Variants in RAD52 observed in about 807,000 individuals in gnomAD.
RAD52 encodes DNA repair protein RAD52 homolog.
In RAD52, 47 loss-of-function variants were observed where a neutral mutation model predicts 55.5. The observed-to-expected ratio is 0.85, with a 90% CI of 0.67 to 1.08. The LOEUF (loss-of-function observed/expected upper bound fraction) is 1.08. Ranked by LOEUF, RAD52 falls within the 50% of genes least tolerant of loss-of-function variation. The probability of loss-of-function intolerance (pLI) is 0.00; values close to 1 mark genes in which losing one functional copy is unlikely to be tolerated. For synonymous variants in RAD52, 184 were observed against 198.9 expected (o/e 0.92, Z 0.63); for missense variants, 468 against 522.8 (o/e 0.90, Z 1.02).
At chr12:969,051 T>A (rs1454815778) in intron 1 of RAD52, among the ~76,000 whole-genome samples, 1 of 152,112 alleles carries the variant, frequency 6.6e-6, no homozygotes. Context: ...TTTCTTGGCA[T>A]TATTCCCTAA....
chr12:975,896 C>G (rs905532306), intron 1 of RAD52: 18 of 152,216 alleles, frequency 1.2e-4, no homozygotes, highest in African/African-American at 4.3e-4. Flanking sequence ...AGTTCTGAGT[C>G]TCTGTTGCTG....
At chr12:951,975 T>C (rs1004808528), upstream of RAD52, among the ~76,000 whole-genome samples, 12 of 152,196 alleles carry the variant, frequency 7.9e-5, no homozygotes, top group Admixed American at 2.6e-4. Flanking sequence ...AAAACTTTTT[T>C]TTCTAAGAGA....
intron 1 of RAD52, among the ~76,000 whole-genome samples, chr12:984,226 C>T (rs965199616): frequency 3.3e-5 from 5 of 152,090 alleles, no homozygotes; most frequent in African/African-American, 1.2e-4. Context: ...GACAGAGTTT[C>T]GCCCTTTTGC....
upstream of RAD52, among the ~76,000 whole-genome samples, chr12:952,953 G>A (rs1958552030): frequency 3.0e-5 from 1 of 33,340 alleles, no homozygotes; most frequent in Non-Finnish European, 6.0e-5. Flanking sequence ...GGAGGGGAAG[G>A]GGGAAGGGAA....
At chr12:988,521 T>C (rs1959118390) in intron 1 of RAD52, among the ~76,000 whole-genome samples, 1 of 152,200 alleles carries the variant, frequency 6.6e-6, no homozygotes. Flanking sequence ...AAGGCATGCC[T>C]GCAGCTGGGT....
intron 1 of RAD52, among the ~76,000 whole-genome samples, chr12:972,052 G>A (rs902887684): frequency 1.3e-5 from 2 of 152,206 alleles, no homozygotes; most frequent in Admixed American, 1.3e-4. Flanking sequence ...TTTGGGAGTA[G>A]GTAGAGGGGA....
At chr12:951,096 C>T (rs1052042373), upstream of RAD52, among the ~76,000 whole-genome samples, 5 of 151,614 alleles carry the variant, frequency 3.3e-5, no homozygotes, top group African/African-American at 1.2e-4. Flanking sequence ...TGTATGTCAT[C>T]TTTTGATAAA....
At chr12:929,418 A>G (rs1224203667) in intron 5 of RAD52, among the ~76,000 whole-genome samples, 1 of 152,188 alleles carries the variant, frequency 6.6e-6, no homozygotes, top group Non-Finnish European at 1.5e-5. Flanking sequence ...TTGAAGTGAA[A>G]CAACTTATTA....
chr12:913,772 T>C (rs1956215406), intron 11 of RAD52, 122 bp downstream of exon 11: 1 of 907,950 alleles, frequency 1.1e-6, no homozygotes, highest in Admixed American at 2.3e-5. Flanking sequence ...TGCAGTACCA[T>C]TCCCTAATAG....
rs563190677 is a variant in RAD52 at position 918,174 on chromosome 12, G to A, written c.544-1354C>T. On this transcript the variant is annotated intron_variant, in intron 7 of 11. Coordinates refer to ENST00000358495, the MANE Select transcript of RAD52 (RefSeq NM_134424.4). Reference sequence around the variant, plus strand: ...AAGAATGCTAACAGCATCTCTAATCGAAACAGCCACAAGCTACAAAAACCA... The same window carrying A: ...AAGAATGCTAACAGCATCTCTAATCAAAACAGCCACAAGCTACAAAAACCA... Among the ~76,000 whole-genome samples the A allele has an allele frequency of 6.6e-5, 10 of 152,196 alleles. No homozygotes were observed. The East Asian group carries it at 7.7e-4, about 12-fold the overall frequency.
At chr12:968,750 A>G (rs1407430097) in intron 1 of RAD52, among the ~76,000 whole-genome samples, 1 of 152,126 alleles carries the variant, frequency 6.6e-6, no homozygotes, top group African/African-American at 2.4e-5. Context: ...CATGCCCAGC[A>G]AAGATCTGAG....
intron 1 of RAD52, among the ~76,000 whole-genome samples, chr12:966,401 C>T (rs777484813): frequency 3.9e-5 from 6 of 151,980 alleles, no homozygotes; most frequent in Non-Finnish European, 7.4e-5. Context: ...GAGGTGACCT[C>T]GAGACTAGAA....
At chr12:915,703 A>C (rs1956323615) in intron 9 of RAD52, among the ~76,000 whole-genome samples, 1 of 142,658 alleles carries the variant, frequency 7.0e-6, no homozygotes, top group Non-Finnish European at 1.5e-5. Flanking sequence ...CAGAAACACA[A>C]GGCTTGTTTT....
At chr12:919,328 C>A (rs1418578545) in intron 7 of RAD52, among the ~76,000 whole-genome samples, 1 of 152,108 alleles carries the variant, frequency 6.6e-6, no homozygotes, top group East Asian at 1.9e-4. Context: ...CGCCTGTAAT[C>A]CCAGTTACTT....
In RAD52 at chr12:923,634, T is replaced by C. The variant is rs547137351; in HGVS notation, c.543+1816A>G. 4.1e-5 allele frequency among the ~76,000 whole-genome samples: 6 copies of C among 148,144 alleles called. No homozygotes were observed. In the East Asian group the frequency reaches 9.9e-4, roughly 24 times the overall value. On this transcript the variant is annotated intron_variant, in intron 7 of 11. Coordinates refer to ENST00000358495, the MANE Select transcript of RAD52 (RefSeq NM_134424.4). ...TACAAGGGTCTGGGAAAGGGGGAAA[T>C]GCGGAGTTCTTGTTTTACGGGTGCA...
chr12:945,484 A>T (rs1958166940), intron 1 of RAD52, among the ~76,000 whole-genome samples: 1 of 151,072 alleles, frequency 6.6e-6, no homozygotes, highest in Admixed American at 6.6e-5. Flanking sequence ...CCCAGGCTGG[A>T]GTACAGTGGC....
intron 1 of RAD52, among the ~76,000 whole-genome samples, chr12:957,676 G>T (rs559394821): frequency 6.6e-6 from 1 of 151,490 alleles, no homozygotes; most frequent in Non-Finnish European, 1.5e-5. Flanking sequence ...TGTGGTCCCA[G>T]CTACTTTGGA....
At position 916,332 on chromosome 12, in the gene RAD52, C is replaced by T. The variant is rs1451496837; in HGVS notation, c.865+12G>A. ...GACGCCTCCCAGGGCCCTGCTCCCA[C>T]CCCTCGCTCACCCTCACTCTTCTCA... On this transcript the variant is annotated intron_variant, in intron 9 of 11. Coordinates refer to ENST00000358495, the MANE Select transcript of RAD52 (RefSeq NM_134424.4). 1 of 1,603,712 alleles carries T rather than the reference C, an allele frequency of 6.2e-7. No homozygotes were observed. The highest frequency in any genetic ancestry group is 8.5e-7 in the Non-Finnish European group (1 of 1,179,898).
At chr12:922,288 G>A (rs7962050) in intron 7 of RAD52, among the ~76,000 whole-genome samples, 87,416 of 151,032 alleles carry the variant, frequency 0.58, 25,964 homozygotes, top group East Asian at 0.71. Flanking sequence ...TTGGTGGAAT[G>A]GTAAAATGGG....
Sources: gnomAD v4.1 joint callset for allele counts (sites outside exome capture counted in the v4.1 genomes callset) on GRCh38, gnomAD v4.1.1 for gene constraint, MANE v1.5 for transcripts, NCBI Gene and HGNC (gene_info 2026-07-23, HGNC 2026-07-21) for gene names.